The following PDZRN4 variants were observed in gnomAD, a reference collection of about 807,000 sequenced individuals.
The protein encoded by PDZRN4 is PDZ domain containing ring finger 4.
Under a neutral mutation model 99.0 loss-of-function variants are expected in PDZRN4, and 70 were observed. The observed-to-expected ratio is 0.71, with a 90% CI of 0.58 to 0.86. The LOEUF is 0.86. PDZRN4 is among the 40% of genes least tolerant of loss of function. The pLI, the probability that PDZRN4 is intolerant of heterozygous loss-of-function variation, is 0.00. For synonymous variants in PDZRN4, 551 were observed against 501.6 expected (o/e 1.10, Z -1.32); for missense variants, 1,474 against 1,331.2 (o/e 1.11, Z -1.67).
chr12:41,214,052 T>C (rs1258432591), intron 3 of PDZRN4, among the ~76,000 whole-genome samples: 2 of 151,924 alleles, frequency 1.3e-5, no homozygotes, highest in African/African-American at 2.4e-5. Flanking sequence ...TGAGTGACTG[T>C]ATGGTTTGTA....
intron 5 of PDZRN4, among the ~76,000 whole-genome samples, chr12:41,550,988 A>G (rs1224065502): frequency 6.6e-6 from 1 of 152,326 alleles, no homozygotes; most frequent in South Asian, 2.1e-4. Context: ...TTCATTTTGT[A>G]CTGGTAACTA....
At chr12:41,476,879 A>C (rs1953048021) in intron 3 of PDZRN4, among the ~76,000 whole-genome samples, 1 of 152,234 alleles carries the variant, frequency 6.6e-6, no homozygotes, top group East Asian at 1.9e-4. Flanking sequence ...AATTTCTGCC[A>C]AGACATTTAT....
At chr12:41,383,710 GT>G (rs1952142909) in intron 3 of PDZRN4, among the ~76,000 whole-genome samples, 1 of 152,070 alleles carries the variant, frequency 6.6e-6, no homozygotes, top group African/African-American at 2.4e-5. Flanking sequence ...TTCCCCATAA[GT>G]TTTAATTTTG....
intron 3 of PDZRN4, among the ~76,000 whole-genome samples, chr12:41,235,724 C>T (rs748021856): frequency 4.1e-4 from 62 of 152,168 alleles, no homozygotes; most frequent in Non-Finnish European, 7.1e-4. Flanking sequence ...CACATACACG[C>T]GGGCCTCAGG....
intron 7 of PDZRN4, among the ~76,000 whole-genome samples, chr12:41,558,613 G>A (rs1288938875): frequency 1.3e-5 from 2 of 152,148 alleles, no homozygotes; most frequent in African/African-American, 4.8e-5. Flanking sequence ...TTGTGGGCAG[G>A]TAAGTTTTTA....
Position 41,243,640 on chromosome 12 carries a change from A to T in PDZRN4, c.843+49452A>T, listed in dbSNP as rs186928950. Among the ~76,000 whole-genome samples the T allele has an allele frequency of 7.1e-4, 108 of 152,260 alleles. 1 individual carries two copies. In the East Asian group the frequency reaches 0.018, roughly 26 times the overall value. On this transcript the variant is annotated intron_variant, in intron 3 of 9. Coordinates refer to ENST00000402685, the MANE Select transcript of PDZRN4 (RefSeq NM_001164595.2). ...TAAAATAAATATATTATTAACAAAT[A>T]AAATAAATAAAATAAAATTATCTTT...
At chr12:41,377,961 G>A (rs1952094260) in intron 3 of PDZRN4, among the ~76,000 whole-genome samples, 1 of 151,946 alleles carries the variant, frequency 6.6e-6, no homozygotes, top group Admixed American at 6.6e-5. Flanking sequence ...TTTCAATTTG[G>A]ATGCCATGTA....
In PDZRN4 at chr12:41,511,831, G is replaced by A. The variant is rs117532642; in HGVS notation, c.1203+1918G>A. 7.9e-3 allele frequency among the ~76,000 whole-genome samples: 1,196 copies of A among 152,240 alleles called. 10 individuals are homozygous for A. The highest frequency in any genetic ancestry group is 0.013 in the Non-Finnish European group (882 of 67,996). On this transcript the variant is annotated intron_variant, in intron 5 of 9. Coordinates refer to ENST00000402685, the MANE Select transcript of PDZRN4 (RefSeq NM_001164595.2). ...TTGGAGCCTGTGGTGGACACCATTA[G>A]GCTCATTCAGTGAAGAGATTTAGAA...
intron 3 of PDZRN4, among the ~76,000 whole-genome samples, chr12:41,360,799 T>A (rs1011759503): frequency 4.6e-5 from 7 of 152,072 alleles, no homozygotes; most frequent in Non-Finnish European, 8.8e-5. Context: ...AAAGTTGCCA[T>A]CTGAAATAGC....
At chr12:41,370,166 AATT>A (rs1392058787) in intron 3 of PDZRN4, among the ~76,000 whole-genome samples, 1 of 151,930 alleles carries the variant, frequency 6.6e-6, no homozygotes, top group Non-Finnish European at 1.5e-5. Context: ...CATGTTTACC[AATT>A]TGCACTTATT....
At position 41,572,495 on chromosome 12, in the gene PDZRN4, T is replaced by C; in HGVS notation, c.1716T>C (p.Asn572=). 6.2e-7 allele frequency: 1 copy of C among 1,614,052 alleles called. No homozygotes were observed. The highest frequency in any genetic ancestry group is 2.2e-5 in the East Asian group (1 of 44,844). Residue 572 remains asparagine (N), a synonymous_variant, in exon 10 of 10, where the codon AAT becomes AAC. Transcript: ENST00000402685. ...LRNDESSEQE[N]AAEDPNSTSL... ...ATGATGAGAGCTCAGAGCAGGAGAA[T>C]GCAGCCGAGGACCCCAATAGCACAT...
chr12:41,363,995 G>A (rs879864470), intron 3 of PDZRN4, among the ~76,000 whole-genome samples: 4 of 152,054 alleles, frequency 2.6e-5, no homozygotes, highest in South Asian at 2.1e-4. Context: ...TGTCTATTAC[G>A]GAAGTAGATA....
chr12:41,569,394 A>G (rs1245533178), intron 9 of PDZRN4, among the ~76,000 whole-genome samples: 3 of 151,616 alleles, frequency 2.0e-5, no homozygotes, highest in African/African-American at 7.3e-5. Context: ...TGCTGGGATT[A>G]CAGGATCCCA....
At chr12:41,336,353 A>G (rs939298254) in intron 3 of PDZRN4, among the ~76,000 whole-genome samples, 2 of 152,150 alleles carry the variant, frequency 1.3e-5, no homozygotes, top group African/African-American at 4.8e-5. Flanking sequence ...GAAGTTGATT[A>G]CTGCTGAGTC....
At position 41,538,237 on chromosome 12, in the gene PDZRN4, G is replaced by C. The variant is rs150742146; in HGVS notation, c.1204-14419G>C. ...ACCATCTTGATAATAACAGCAACTA[G>C]AGCTAACTACTATTTCCATCTAGAA... is the stretch of plus-strand genomic sequence containing the variant. On this transcript the variant is annotated intron_variant, in intron 5 of 9. Transcript: ENST00000402685. Among the ~76,000 whole-genome samples the C allele has an allele frequency of 5.9e-4, 89 of 151,944 alleles. 1 individual carries two copies. The East Asian group carries it at 0.014, about 24-fold the overall frequency.
intron 3 of PDZRN4, among the ~76,000 whole-genome samples, chr12:41,379,345 G>T (rs1490938772): frequency 1.8e-4 from 25 of 140,382 alleles, no homozygotes; most frequent in Non-Finnish European, 3.6e-4. Context: ...CTTTTCAATT[G>T]TTTTTCTATT....
Position 41,196,600 on chromosome 12 carries a change from G to C in PDZRN4, c.843+2412G>C, listed in dbSNP as rs550442186. Reference sequence around the variant, plus strand: ...GATATTTGTGTGACTTTAATATCTAGTTAAACAAGAAGTGTGTTTTTTCTT... The same window carrying C: ...GATATTTGTGTGACTTTAATATCTACTTAAACAAGAAGTGTGTTTTTTCTT... On this transcript the variant is annotated intron_variant, in intron 3 of 9. Transcript: ENST00000402685. Among the ~76,000 whole-genome samples, 10 of 152,172 alleles carry C rather than the reference G, an allele frequency of 6.6e-5. No individual in the cohort carries two copies. In the South Asian group the frequency reaches 1.7e-3, roughly 25 times the overall value.
At chr12:41,342,191 A>C (rs1370964924) in intron 3 of PDZRN4, among the ~76,000 whole-genome samples, 2 of 152,054 alleles carry the variant, frequency 1.3e-5, no homozygotes, top group South Asian at 2.1e-4. Context: ...CATATACAAA[A>C]ATCAACTCAA....
chr12:41,247,610 C>A (rs1293638085), intron 3 of PDZRN4, among the ~76,000 whole-genome samples: 2 of 152,104 alleles, frequency 1.3e-5, no homozygotes, highest in Non-Finnish European at 2.9e-5. Context: ...TGGAGAAATA[C>A]AATAAATCTC....
Sources: allele counts gnomAD v4.1 joint callset (sites outside exome capture counted in the v4.1 genomes callset), GRCh38; gene constraint gnomAD v4.1.1; transcripts MANE v1.5; gene names NCBI Gene and HGNC (gene_info 2026-07-23, HGNC 2026-07-21).